The following NPAS3 variants were observed in gnomAD, a reference collection of about 807,000 sequenced individuals.
NPAS3 encodes neuronal PAS domain-containing protein 3.
In NPAS3, 14 loss-of-function variants were observed where a neutral mutation model predicts 73.1. The ratio of observed to expected loss-of-function variants is 0.19; its 90% CI spans 0.13 to 0.30. The LOEUF (loss-of-function observed/expected upper bound fraction) is 0.30, where lower values mean the gene tolerates loss of function less well. Ranked by LOEUF, NPAS3 falls within the 10% of genes least tolerant of loss-of-function variation. NPAS3 has a pLI of 1.00. For missense variants in NPAS3, 1,096 were observed against 1,250.0 expected (o/e 0.88, Z 1.86); for synonymous variants, 620 against 541.5 (o/e 1.14, Z -2.01).
chr14:33,769,058 T>C (rs1255720835), intron 7 of NPAS3, among the ~76,000 whole-genome samples: 1 of 152,180 alleles, frequency 6.6e-6, no homozygotes, highest in African/African-American at 2.4e-5. Context: ...AAAATTATTC[T>C]AGAGCAAGAG....
At chr14:33,090,313 C>T (rs1323448707) in intron 2 of NPAS3, among the ~76,000 whole-genome samples, 1 of 152,034 alleles carries the variant, frequency 6.6e-6, no homozygotes, top group Non-Finnish European at 1.5e-5. Flanking sequence ...ATCTACCAAG[C>T]AAATGGAAAA....
At chr14:33,325,898 C>T (rs2043683460) in intron 3 of NPAS3, among the ~76,000 whole-genome samples, 1 of 151,786 alleles carries the variant, frequency 6.6e-6, no homozygotes, top group Non-Finnish European at 1.5e-5. Context: ...CTTTCAGTTA[C>T]CAAAGTATAG....
In NPAS3 at chr14:33,189,166, T is replaced by C. The variant is rs777462618; in HGVS notation, c.141-26016T>C. ...TGTTAGGTCATAGGCCTAAACAATT[T>C]ACCTGGCTTCTCCCTTTTGGACCCA... On this transcript the variant is annotated intron_variant, in intron 2 of 11. Transcript: ENST00000356141. Among the ~76,000 whole-genome samples the C allele has an allele frequency of 1.2e-4, 18 of 152,226 alleles. 1 individual carries two copies. Among genetic ancestry groups the C allele is most frequent in the Admixed American group, 4.6e-4 (7 of 15,286 alleles).
chr14:33,751,288 A>G (rs2140762515), intron 7 of NPAS3, among the ~76,000 whole-genome samples: 1 of 152,354 alleles, frequency 6.6e-6, no homozygotes, highest in Admixed American at 6.5e-5. Context: ...GAGTAAGTAT[A>G]TAGATTTAAA....
At chr14:33,303,354 A>G (rs922110571) in intron 3 of NPAS3, among the ~76,000 whole-genome samples, 15 of 152,154 alleles carry the variant, frequency 9.9e-5, no homozygotes, top group African/African-American at 3.6e-4. Flanking sequence ...TACTTTAAAA[A>G]ATCTATATAA....
chr14:32,957,967 G>A (rs2036749411), intron 1 of NPAS3, among the ~76,000 whole-genome samples: 1 of 151,952 alleles, frequency 6.6e-6, no homozygotes, highest in Admixed American at 6.6e-5. Context: ...TACATTCACT[G>A]TCCACCGCTC....
chr14:33,565,275 T>G (rs2055870982), intron 5 of NPAS3, among the ~76,000 whole-genome samples: 1 of 152,212 alleles, frequency 6.6e-6, no homozygotes, highest in African/African-American at 2.4e-5. Flanking sequence ...ATTTGTTATA[T>G]AAAATGGCAA....
intron 7 of NPAS3, among the ~76,000 whole-genome samples, chr14:33,740,591 C>T (rs1018445778): frequency 1.3e-5 from 2 of 152,222 alleles, no homozygotes; most frequent in Non-Finnish European, 2.9e-5. Context: ...AGCTATGAAC[C>T]CAAACGATTG....
chr14:33,272,907 A>G (rs1270538669), intron 3 of NPAS3, among the ~76,000 whole-genome samples: 1 of 152,190 alleles, frequency 6.6e-6, no homozygotes, highest in Non-Finnish European at 1.5e-5. Context: ...TACAAAGCAG[A>G]ATTATGTCAG....
intron 2 of NPAS3, among the ~76,000 whole-genome samples, chr14:33,143,937 A>G (rs780277146): frequency 6.6e-6 from 1 of 152,166 alleles, no homozygotes; most frequent in Non-Finnish European, 1.5e-5. Context: ...CATTGTGTGG[A>G]TATAATATAA....
At chr14:33,043,550 C>T (rs1216715428) in intron 1 of NPAS3, among the ~76,000 whole-genome samples, 1 of 152,112 alleles carries the variant, frequency 6.6e-6, no homozygotes, top group Non-Finnish European at 1.5e-5. Flanking sequence ...TTCTCCAGAG[C>T]ATTTGCCTAA....
intron 3 of NPAS3, among the ~76,000 whole-genome samples, chr14:33,227,552 T>C (rs562147220): frequency 6.6e-6 from 1 of 152,236 alleles, no homozygotes; most frequent in South Asian, 2.1e-4. Context: ...GTGAAGGCTA[T>C]CCTCCTGGGT....
chr14:33,362,171 T>C (rs577159876), intron 3 of NPAS3, among the ~76,000 whole-genome samples: 3 of 152,164 alleles, frequency 2.0e-5, no homozygotes, highest in Non-Finnish European at 4.4e-5. Context: ...CTATTTCAGT[T>C]TCTTCTCCAA....
chr14:33,233,262 T>C (rs2047917818), intron 3 of NPAS3, among the ~76,000 whole-genome samples: 1 of 152,140 alleles, frequency 6.6e-6, no homozygotes, highest in Non-Finnish European at 1.5e-5. Flanking sequence ...TGCTATAAAT[T>C]AACTTTATTT....
At chr14:33,308,527 T>TACACACAC (rs1555371843) in intron 3 of NPAS3, among the ~76,000 whole-genome samples, 42 of 103,726 alleles carry the variant, frequency 4.0e-4, no homozygotes, top group African/African-American at 6.5e-4. Context: ...TATATATATA[T>TACACACAC]ACATACACAC....
At chr14:32,965,215 A>T (rs2037102129) in intron 1 of NPAS3, among the ~76,000 whole-genome samples, 1 of 152,214 alleles carries the variant, frequency 6.6e-6, no homozygotes, top group Non-Finnish European at 1.5e-5. Context: ...AATTCATTCT[A>T]AAAGGCTAAC....
chr14:33,617,407 A>G (rs570480279), intron 5 of NPAS3, among the ~76,000 whole-genome samples: 20 of 152,244 alleles, frequency 1.3e-4, no homozygotes, highest in African/African-American at 4.3e-4. Context: ...CCCAGAAGAG[A>G]GGAAATTTAG....
intron 3 of NPAS3, among the ~76,000 whole-genome samples, chr14:33,362,672 T>G (rs1267326439): frequency 6.6e-6 from 1 of 152,020 alleles, no homozygotes; most frequent in Admixed American, 6.5e-5. Context: ...AGAGGGGAGC[T>G]ATCAGGGGTT....
chr14:33,069,126 C>G (rs2041389618), intron 2 of NPAS3, among the ~76,000 whole-genome samples: 1 of 152,080 alleles, frequency 6.6e-6, no homozygotes, highest in African/African-American at 2.4e-5. Flanking sequence ...TCAGCATAAT[C>G]AAGGTGTGAT....
Sources: gnomAD v4.1 joint callset for allele counts (sites outside exome capture counted in the v4.1 genomes callset) on GRCh38, gnomAD v4.1.1 for gene constraint, MANE v1.5 for transcripts, NCBI Gene and HGNC (gene_info 2026-07-23, HGNC 2026-07-21) for gene names.